Variants in KCNQ1OT1 observed in about 807,000 individuals in gnomAD.
The protein encoded by KCNQ1OT1 is KCNQ1 antisense RNA 2 (non-protein coding).
Position 2,687,584 on chromosome 11 carries a change from G to A in KCNQ1OT1, n.12411C>T, listed in dbSNP as rs1447858533. 5.0e-6 allele frequency: 2 copies of A among 398,784 alleles called. No homozygotes were observed. Among genetic ancestry groups the A allele is most frequent in the Non-Finnish European group, 8.8e-6 (2 of 226,178 alleles). The allele number at this position is 398,784 out of a possible 1,614,324, so 24.7% of individuals were successfully genotyped here. A position where few individuals can be genotyped will look rare whatever the true frequency, so the allele number is the denominator to read the frequency against. ...TCTGATGACCCCCTGTCAAGGAGGTGTGACTGAGAAAGGAAGGGGCAGAGA... is the reference window on the plus strand; with the variant it reads ...TCTGATGACCCCCTGTCAAGGAGGTATGACTGAGAAAGGAAGGGGCAGAGA... On this transcript the variant is annotated non_coding_transcript_exon_variant, in exon 1 of 1. Transcript: ENST00000597346. The surrounding 1 kb of genome is among the most constrained non-coding windows in gnomAD (Gnocchi z 5.0).
At chr11:2,646,450 C>G (rs1221791301) in exon 1 of KCNQ1OT1, 1 of 398,346 alleles carries the variant, frequency 2.5e-6, no homozygotes, top group Non-Finnish European at 4.4e-6. Flanking sequence ...TTTTTTGTAG[C>G]TATTGCAAAT....
At position 2,673,946 on chromosome 11, in the gene KCNQ1OT1, A is replaced by C; in HGVS notation, n.26049T>G. 1 of 128,492 alleles carries C rather than the reference A, an allele frequency of 7.8e-6. No homozygotes were observed. Among genetic ancestry groups the C allele is most frequent in the South Asian group, 2.4e-4 (1 of 4,232 alleles). 8.0% of individuals were successfully genotyped at this position (128,492 alleles called of 1,614,324 possible). A position where few individuals can be genotyped will look rare whatever the true frequency, so the allele number is the denominator to read the frequency against. On this transcript the variant is annotated non_coding_transcript_exon_variant, in exon 1 of 1. Coordinates refer to ENST00000597346, the Ensembl canonical transcript of KCNQ1OT1. The surrounding 1 kb of genome is among the most constrained non-coding windows in gnomAD (Gnocchi z 4.5). ...AAGGGAGTGTGTCTCTTTCCCCATG[A>C]GTGACAGCAGCCACAAGGGGATGCC...
chr11:2,631,100 G>A (rs1182683456), exon 1 of KCNQ1OT1: 4 of 398,380 alleles, frequency 1.0e-5, no homozygotes, highest in African/African-American at 6.2e-5. Flanking sequence ...TGAGCTTCAT[G>A]TACCTAGATG....
exon 1 of KCNQ1OT1, chr11:2,618,897 T>C (rs1849116746): frequency 5.0e-6 from 2 of 398,324 alleles, no homozygotes; most frequent in Non-Finnish European, 4.4e-6. Context: ...TCTTTCATCT[T>C]TTTGGCTAAA....
exon 1 of KCNQ1OT1, chr11:2,625,658 C>T: frequency 2.5e-6 from 1 of 396,664 alleles, no homozygotes. Context: ...TTACTGCAAC[C>T]TCTGCCTCCT....
At chr11:2,619,323 G>A in exon 1 of KCNQ1OT1, 1 of 398,414 alleles carries the variant, frequency 2.5e-6, no homozygotes. Context: ...TTCATAAATG[G>A]CATTCGTTAT....
In KCNQ1OT1 at chr11:2,645,435, C is replaced by T. The variant is rs1849651253; in HGVS notation, n.54560G>A. ...GGCCCTCCAGTAATGCAAGAATGTA[C>T]TGACTGTGGTAGGCAGGCACAGGAA... On this transcript the variant is annotated non_coding_transcript_exon_variant, in exon 1 of 1. Coordinates refer to ENST00000597346, the Ensembl canonical transcript of KCNQ1OT1. This position sits in a 1 kb window ranked among gnomAD's most constrained non-coding sequence, Gnocchi z 5.8. 1 of 398,686 alleles carries T rather than the reference C, an allele frequency of 2.5e-6. No individual in the cohort carries two copies. The highest frequency in any genetic ancestry group is 2.1e-5 in the African/African-American group (1 of 48,738). The allele number at this position is 398,686 out of a possible 1,614,324, so 24.7% of individuals were successfully genotyped here.
exon 1 of KCNQ1OT1, chr11:2,699,375 G>A (rs1057471657): frequency 1.0e-5 from 4 of 400,146 alleles, no homozygotes; most frequent in Non-Finnish European, 1.8e-5. Flanking sequence ...GCCCAGGTCC[G>A]TGCTGACCGT....
At chr11:2,610,559 T>G in exon 1 of KCNQ1OT1, 1 of 398,436 alleles carries the variant, frequency 2.5e-6, no homozygotes, top group Non-Finnish European at 4.4e-6. Context: ...ATATGTGAAC[T>G]TCCTGGGAGC....
In KCNQ1OT1 at chr11:2,664,298, T is replaced by C. The variant is rs1204345018; in HGVS notation, n.35697A>G. On this transcript the variant is annotated non_coding_transcript_exon_variant, in exon 1 of 1. Transcript: ENST00000597346. This position sits in a 1 kb window ranked among gnomAD's most constrained non-coding sequence, Gnocchi z 5.1. ...GCTGCAAAGGGGCCACCTTGAGGCA[T>C]TGTGTTCTGGTCAGGGAAGACTCAG... The C allele has an allele frequency of 7.5e-6, 3 of 398,884 alleles. No homozygotes were observed. Among genetic ancestry groups the C allele is most frequent in the African/African-American group, 2.1e-5 (1 of 48,604 alleles). The allele number at this position is 398,884 out of a possible 1,614,324, so 24.7% of individuals were successfully genotyped here.
Position 2,682,877 on chromosome 11 carries a change from G to T in KCNQ1OT1, n.17118C>A. The T allele has an allele frequency of 2.5e-6, 1 of 398,624 alleles. No individual in the cohort carries two copies. The highest frequency in any genetic ancestry group is 4.4e-6 in the Non-Finnish European group (1 of 226,088). The allele number at this position is 398,624 out of a possible 1,614,324, so 24.7% of individuals were successfully genotyped here. A position where few individuals can be genotyped will look rare whatever the true frequency, so the allele number is the denominator to read the frequency against. On this transcript the variant is annotated non_coding_transcript_exon_variant, in exon 1 of 1. Transcript: ENST00000597346. This position sits in a 1 kb window ranked among gnomAD's most constrained non-coding sequence, Gnocchi z 5.8. ...TGTAGACCAGGAAACTGAGGCTTGG[G>T]GATAGCAGATGTTCCCAGACAGAAA...
exon 1 of KCNQ1OT1, chr11:2,625,178 A>G (rs182950896): frequency 1.0e-5 from 4 of 398,662 alleles, no homozygotes; most frequent in African/African-American, 2.1e-5. Flanking sequence ...AGGCTGTACC[A>G]TTTTGCATTC....
Position 2,624,949 on chromosome 11 carries a change from T to C in KCNQ1OT1, n.75046A>G. On this transcript the variant is annotated non_coding_transcript_exon_variant, in exon 1 of 1. Transcript: ENST00000597346. The surrounding 1 kb of genome is among the most constrained non-coding windows in gnomAD (Gnocchi z 4.9). ...TTTTTTAAAGCTGAATAATATTACA[T>C]TGTATGTATATACCACATTTTGCTT... The C allele has an allele frequency of 2.5e-6, 1 of 398,588 alleles. No homozygotes were observed. The highest frequency in any genetic ancestry group is 4.4e-6 in the Non-Finnish European group (1 of 226,068). The allele number at this position is 398,588 out of a possible 1,614,324, so 24.7% of individuals were successfully genotyped here. A position where few individuals can be genotyped will look rare whatever the true frequency, so the allele number is the denominator to read the frequency against.
chr11:2,630,711 T>C (rs1849338813), exon 1 of KCNQ1OT1: 2 of 398,366 alleles, frequency 5.0e-6, no homozygotes, highest in Non-Finnish European at 8.8e-6. Context: ...TTACTAATTA[T>C]CATCCTTCCA....
rs1034433597 is a variant in KCNQ1OT1 at position 2,687,446 on chromosome 11, C to T, written n.12549G>A. ...TCCACCCAGCTGTCCATACAGATCC[C>T]TGCCTGCACAAGAGCTGCTGCAGCA... is the stretch of plus-strand genomic sequence containing the variant. On this transcript the variant is annotated non_coding_transcript_exon_variant, in exon 1 of 1. Coordinates refer to ENST00000597346, the Ensembl canonical transcript of KCNQ1OT1. The surrounding 1 kb of genome is among the most constrained non-coding windows in gnomAD (Gnocchi z 5.0). 2.3e-5 allele frequency: 9 copies of T among 398,680 alleles called. No individual in the cohort carries two copies. Among genetic ancestry groups the T allele is most frequent in the Non-Finnish European group, 3.5e-5 (8 of 226,244 alleles). 24.7% of individuals were successfully genotyped at this position (398,680 alleles called of 1,614,324 possible).
At chr11:2,699,085 C>T in exon 1 of KCNQ1OT1, 1 of 398,674 alleles carries the variant, frequency 2.5e-6, no homozygotes, top group East Asian at 3.6e-5. Context: ...GGATTCCCAA[C>T]TTCCATCCCA....
chr11:2,699,796 GC>G, exon 1 of KCNQ1OT1: 2 of 397,332 alleles, frequency 5.0e-6, no homozygotes, highest in Non-Finnish European at 8.9e-6. Flanking sequence ...GCGCCGAGGG[GC>G]GCGCCGGGGA....
rs1848990304 is a variant in KCNQ1OT1 at position 2,612,339 on chromosome 11, G to A, written n.87656C>T. ...ACTAAAGCCTCCCCCAACTGGCTGT[G>A]GAAAAATTGTCTTCCACAAAACTGG... On this transcript the variant is annotated non_coding_transcript_exon_variant, in exon 1 of 1. Transcript: ENST00000597346. This position sits in a 1 kb window ranked among gnomAD's most constrained non-coding sequence, Gnocchi z 5.5. The A allele has an allele frequency of 2.5e-6, 1 of 398,672 alleles. No individual in the cohort carries two copies. 24.7% of individuals were successfully genotyped at this position (398,672 alleles called of 1,614,324 possible). A position where few individuals can be genotyped will look rare whatever the true frequency, so the allele number is the denominator to read the frequency against.
At position 2,663,527 on chromosome 11, in the gene KCNQ1OT1, C is replaced by A. The variant is rs2133858486; in HGVS notation, n.36468G>T. ...GCCTGTATTGCCTCTTGGCTGTCCC[C>A]TCAGAGAGGGGACTGTCCCTTCTCA... On this transcript the variant is annotated non_coding_transcript_exon_variant, in exon 1 of 1. Coordinates refer to ENST00000597346, the Ensembl canonical transcript of KCNQ1OT1. The surrounding 1 kb of genome is among the most constrained non-coding windows in gnomAD (Gnocchi z 5.2). 2.5e-6 allele frequency: 1 copy of A among 398,622 alleles called. No homozygotes were observed. Among genetic ancestry groups the A allele is most frequent in the Non-Finnish European group, 4.4e-6 (1 of 226,082 alleles). 24.7% of individuals were successfully genotyped at this position (398,622 alleles called of 1,614,324 possible).
Sources: gnomAD v4.1 joint callset for allele counts on GRCh38, gnomAD v4.1.1 for gene constraint, Gnocchi (gnomAD v3.1) non-coding constraint, MANE v1.5 for transcripts, NCBI Gene and HGNC (gene_info 2026-07-23, HGNC 2026-07-21) for gene names.